LYRM4: variants seen among roughly 807,000 people sequenced by gnomAD.
LYRM4 encodes LYR motif-containing protein 4.
In LYRM4, 9 loss-of-function variants were observed where a neutral mutation model predicts 11.7. That is an observed-to-expected ratio of 0.77 (90% confidence interval 0.46 to 1.34). The LOEUF is 1.34. Ranked by LOEUF, LYRM4 falls within the 40% of genes most tolerant of loss-of-function variation. LYRM4 has a pLI of 0.00. For synonymous variants in LYRM4, 42 were observed against 40.4 expected, an observed-to-expected ratio of 1.04 and a Z score of -0.15; for missense variants, 133 against 112.5, an observed-to-expected ratio of 1.18 and a Z score of -0.82.
chr6:5,246,004 T>G (rs995180424), intron 1 of LYRM4, among the ~76,000 whole-genome samples: 1 of 151,998 alleles, frequency 6.6e-6, no homozygotes, highest in African/African-American at 2.4e-5. Flanking sequence ...AAGAAACAAC[T>G]ATAGTTTTTT....
At chr6:5,152,176 G>C (rs971328101) in intron 2 of LYRM4, among the ~76,000 whole-genome samples, 4 of 152,174 alleles carry the variant, frequency 2.6e-5, no homozygotes, top group East Asian at 1.9e-4. Flanking sequence ...TATAGATGAG[G>C]AGCAACATGA....
At chr6:5,162,511 G>GAGAGAGAGAGAGAAAGAGAGAGAGAA (rs60651754) in intron 2 of LYRM4, among the ~76,000 whole-genome samples, 3 of 147,630 alleles carry the variant, frequency 2.0e-5, no homozygotes, top group Admixed American at 2.0e-4. Context: ...GAGAGAGAGA[G>GAGAGAGAGAGAGAAAGAGAGAGAGAA]AGAGAGAGAG....
intron 2 of LYRM4, among the ~76,000 whole-genome samples, chr6:5,178,681 T>C (rs1036253642): frequency 1.4e-4 from 21 of 150,936 alleles, no homozygotes; most frequent in Admixed American, 2.0e-4. Context: ...GGCCTGCACC[T>C]GTAATCCCAG....
At chr6:5,200,892 T>C (rs1761351119) in intron 2 of LYRM4, among the ~76,000 whole-genome samples, 1 of 152,176 alleles carries the variant, frequency 6.6e-6, no homozygotes, top group Non-Finnish European at 1.5e-5. Flanking sequence ...AAAAGTCCCG[T>C]CTTTGAAGAT....
chr6:5,168,193 G>A (rs534816579), intron 2 of LYRM4, among the ~76,000 whole-genome samples: 7 of 152,052 alleles, frequency 4.6e-5, no homozygotes, highest in South Asian at 2.1e-4. Context: ...GGCCAGCTAC[G>A]TACAAAATCA....
chr6:5,044,541 T>C, the LYRM4 span, among the ~76,000 whole-genome samples: 14 of 152,360 alleles, frequency 9.2e-5, no homozygotes, highest in East Asian at 1.9e-3. Flanking sequence ...GATCACCATG[T>C]GCAGCGTGGA....
chr6:5,245,089 TAAAAAA>T (rs71540855), intron 1 of LYRM4, among the ~76,000 whole-genome samples: 601 of 15,398 alleles, frequency 0.039, 40 homozygotes, highest in Non-Finnish European at 0.048. Context: ...AGGAAGACCT[TAAAAAA>T]AAAAAAAAAA....
At chr6:5,130,374 C>T (rs143443407) in intron 2 of LYRM4, among the ~76,000 whole-genome samples, 2 of 152,342 alleles carry the variant, frequency 1.3e-5, no homozygotes, top group African/African-American at 2.4e-5. Flanking sequence ...AAGGCTGTTG[C>T]TCCCTGTTCG....
intron 2 of LYRM4, among the ~76,000 whole-genome samples, chr6:5,168,904 A>C (rs1759251105): frequency 6.6e-6 from 1 of 152,128 alleles, no homozygotes; most frequent in Non-Finnish European, 1.5e-5. Flanking sequence ...TGACGGTGAT[A>C]AAGGAGAGGG....
chr6:5,150,581 T>A (rs73717694), intron 2 of LYRM4, among the ~76,000 whole-genome samples: 15,240 of 152,268 alleles, frequency 0.1, 939 homozygotes, highest in South Asian at 0.23. Flanking sequence ...GCTATTAACA[T>A]AATTATTCTT....
chr6:5,077,915 AC>A, the LYRM4 span, among the ~76,000 whole-genome samples: 1 of 152,182 alleles, frequency 6.6e-6, no homozygotes. Context: ...TGATTCTACA[AC>A]TTTCCTCAGT....
At chr6:5,073,242 C>A in the LYRM4 span, among the ~76,000 whole-genome samples, 1 of 152,020 alleles carries the variant, frequency 6.6e-6, no homozygotes, top group African/African-American at 2.4e-5. Flanking sequence ...TGGTGGCACA[C>A]GCCTGTTATC....
chr6:5,092,084 G>A, the LYRM4 span, among the ~76,000 whole-genome samples: 1 of 152,200 alleles, frequency 6.6e-6, no homozygotes, highest in African/African-American at 2.4e-5. Flanking sequence ...CATGAACTAA[G>A]CTTGAAACAT....
the LYRM4 span, among the ~76,000 whole-genome samples, chr6:5,048,649 A>G: frequency 1.3e-5 from 2 of 152,144 alleles, no homozygotes; most frequent in Non-Finnish European, 2.9e-5. Context: ...TTGTGTTTCC[A>G]TTAATGCATT....
At chr6:5,086,835 T>C in the LYRM4 span, 1 of 489,386 alleles carries the variant, frequency 2.0e-6, no homozygotes, top group South Asian at 3.4e-5. Flanking sequence ...ATTCCCAGCC[T>C]GCGTCAGAAT....
intron 2 of LYRM4, among the ~76,000 whole-genome samples, chr6:5,133,174 A>G (rs1375089489): frequency 6.6e-6 from 1 of 152,220 alleles, no homozygotes; most frequent in Non-Finnish European, 1.5e-5. Flanking sequence ...GCACTGTTTT[A>G]CACATCTATA....
chr6:5,066,786 T>C, the LYRM4 span: 1 of 736,724 alleles, frequency 1.4e-6, no homozygotes, highest in South Asian at 1.6e-5. Flanking sequence ...TAAGATGGAG[T>C]TTAACACCCT....
intron 2 of LYRM4, among the ~76,000 whole-genome samples, chr6:5,164,341 G>C (rs1384353784): frequency 6.6e-6 from 1 of 152,122 alleles, no homozygotes; most frequent in African/African-American, 2.4e-5. Flanking sequence ...TAAAAAGAAT[G>C]AATACATTGT....
chr6:5,184,499 C>T (rs951729612), intron 2 of LYRM4, among the ~76,000 whole-genome samples: 5 of 152,146 alleles, frequency 3.3e-5, no homozygotes, highest in Admixed American at 2.0e-4. Context: ...GTTAAAACCA[C>T]AGGAAAACAA....
Sources: allele counts gnomAD v4.1 joint callset (sites outside exome capture counted in the v4.1 genomes callset), GRCh38; gene constraint gnomAD v4.1.1; transcripts MANE v1.5; gene names NCBI Gene and HGNC (gene_info 2026-07-23, HGNC 2026-07-21).